Variants in FAM135B observed in about 807,000 individuals in gnomAD.
FAM135B encodes protein FAM135B.
A neutral mutation model predicts 127.7 loss-of-function variants in FAM135B; 43 were observed. The observed-to-expected ratio is 0.34, with a 90% CI of 0.26 to 0.43. The LOEUF is 0.43. Among genes scored for constraint, FAM135B ranks in the 20% least tolerant of loss-of-function variants. FAM135B has a pLI of 1.00. For synonymous variants in FAM135B, 670 were observed against 665.1 expected (o/e 1.01, Z -0.11); for missense variants, 1,558 against 1,725.6 (o/e 0.90, Z 1.72).
intron 12 of FAM135B, among the ~76,000 whole-genome samples, chr8:138,155,703 C>A (rs897912969): frequency 9.9e-5 from 15 of 152,192 alleles, no homozygotes; most frequent in Admixed American, 4.6e-4. Context: ...CAAAGAAAGC[C>A]ATTACATAAT....
intron 2 of FAM135B, among the ~76,000 whole-genome samples, chr8:138,314,725 T>TAAATAAATAAATAAATAAATAAGCA (rs766795967): frequency 6.2e-5 from 3 of 48,774 alleles, no homozygotes; most frequent in Non-Finnish European, 1.0e-4. Flanking sequence ...ATAAATAAAT[T>TAAATAAATAAATAAATAAATAAGCA]AGCTGGGTGT....
chr8:138,471,288 C>G (rs959491157), intron 1 of FAM135B, among the ~76,000 whole-genome samples: 1 of 152,074 alleles, frequency 6.6e-6, no homozygotes, highest in Non-Finnish European at 1.5e-5. Context: ...GTGAGAGGAG[C>G]AGGATCTCAT....
intron 1 of FAM135B, among the ~76,000 whole-genome samples, chr8:138,462,628 G>A (rs139910256): frequency 2.0e-4 from 30 of 152,262 alleles, no homozygotes; most frequent in East Asian, 9.7e-4. Flanking sequence ...GATTTAACCC[G>A]AGTAGCTCTT....
intron 1 of FAM135B, among the ~76,000 whole-genome samples, chr8:138,494,877 CCTCA>C (rs1387965943): frequency 6.6e-6 from 1 of 151,120 alleles, no homozygotes; most frequent in African/African-American, 2.5e-5. Context: ...TGTGAGCAGG[CCTCA>C]CTGTTTCAAA....
chr8:138,234,115 G>A (rs1820098629), intron 7 of FAM135B, among the ~76,000 whole-genome samples: 1 of 152,124 alleles, frequency 6.6e-6, no homozygotes, highest in Admixed American at 6.6e-5. Flanking sequence ...TGGTGTATAA[G>A]TAAGCAATAC....
intron 2 of FAM135B, among the ~76,000 whole-genome samples, chr8:138,357,892 A>G (rs1830189343): frequency 6.6e-6 from 1 of 152,154 alleles, no homozygotes; most frequent in African/African-American, 2.4e-5. Flanking sequence ...GATTTATCCT[A>G]TTGAAGCCGA....
At chr8:138,158,287 T>G in intron 12 of FAM135B, among the ~76,000 whole-genome samples, 1 of 152,182 alleles carries the variant, frequency 6.6e-6, no homozygotes, top group East Asian at 1.9e-4. Context: ...TTACACCTTA[T>G]ACAAAAATTA....
rs2130893252 is a variant in FAM135B, at chr8:138,310,874, G to A, written c.124C>T (p.His42Tyr). 6.2e-7 allele frequency: 1 copy of A among 1,613,896 alleles called. No individual in the cohort carries two copies. The highest frequency in any genetic ancestry group is 8.5e-7 in the Non-Finnish European group (1 of 1,179,966). ...VTLKVSSRIP[H>Y]RLSASIAGQT... ...CCAGCGATGGAGGCACTCAGTCTGTGGGGGATCCTTGAAGACACCTTCAAG... is the reference window on the plus strand; with the variant it reads ...CCAGCGATGGAGGCACTCAGTCTGTAGGGGATCCTTGAAGACACCTTCAAG... Residue 42 changes from histidine (H) to tyrosine (Y), a missense_variant, in exon 3 of 20, where the codon CAC (histidine) becomes TAC (tyrosine). This residue lies in a region of FAM135B where 199 missense variants were observed against 245.7 expected (regional missense o/e 0.81). Transcript: ENST00000395297.
intron 2 of FAM135B, among the ~76,000 whole-genome samples, chr8:138,343,305 A>G (rs1829181240): frequency 6.6e-6 from 1 of 152,212 alleles, no homozygotes; most frequent in Non-Finnish European, 1.5e-5. Flanking sequence ...AGGAAGACAC[A>G]TGCAGACACT....
chr8:138,251,546 T>A (rs1468343069), intron 5 of FAM135B, among the ~76,000 whole-genome samples: 1 of 152,188 alleles, frequency 6.6e-6, no homozygotes. Flanking sequence ...AATGAACAAC[T>A]GACTGACTGA....
chr8:138,299,395 C>A (rs3942248), intron 3 of FAM135B, among the ~76,000 whole-genome samples: 3 of 151,966 alleles, frequency 2.0e-5, no homozygotes, highest in Non-Finnish European at 4.4e-5. Context: ...ATGAACTCCC[C>A]CCTCCAAACA....
intron 12 of FAM135B, among the ~76,000 whole-genome samples, chr8:138,158,647 T>G (rs1819031039): frequency 6.6e-6 from 1 of 152,304 alleles, no homozygotes; most frequent in East Asian, 1.9e-4. Flanking sequence ...GAACAGACAC[T>G]TCTCAAAAGA....
chr8:138,457,933 C>T (rs867550064), intron 1 of FAM135B, among the ~76,000 whole-genome samples: 26 of 150,476 alleles, frequency 1.7e-4, no homozygotes, highest in Non-Finnish European at 2.7e-4. Context: ...ACTGAGATTC[C>T]GCCACTGCAC....
chr8:138,195,233 A>T (rs1343414425), intron 9 of FAM135B, 25 bp downstream of exon 9: 2 of 1,610,400 alleles, frequency 1.2e-6, no homozygotes, highest in Non-Finnish European at 1.7e-6. Flanking sequence ...ATTCATTCAG[A>T]CCCCAGCGCC....
intron 3 of FAM135B, among the ~76,000 whole-genome samples, chr8:138,307,033 A>G (rs1826314724): frequency 6.6e-6 from 1 of 152,056 alleles, no homozygotes; most frequent in South Asian, 2.1e-4. Flanking sequence ...TCTTACCTTC[A>G]CACTGAATGT....
chr8:138,219,592 T>C (rs1434084567), intron 7 of FAM135B, among the ~76,000 whole-genome samples: 1 of 152,214 alleles, frequency 6.6e-6, no homozygotes, highest in Non-Finnish European at 1.5e-5. Context: ...AGATACCAAA[T>C]GGACCAGGCC....
Position 138,151,524 on chromosome 8 carries a change from G to T in FAM135B, c.2951C>A (p.Thr984Asn), listed in dbSNP as rs780098991. The change falls in exon 13 of 20, where the codon ACT becomes AAT. Residue 984 changes from threonine to asparagine, a missense_variant. Coordinates refer to ENST00000395297, the MANE Select transcript of FAM135B (RefSeq NM_015912.4). ...GGAATGGGTCACAGTGGGGCACACA[G>T]TGCCTGCTTTATGTTTAGCCTCCGG... ...AFPEAKHKAG[T>N]VCPTVTHSVH... 40 of 1,614,112 alleles carry T rather than the reference G, an allele frequency of 2.5e-5. No homozygotes were observed. Among genetic ancestry groups the T allele is most frequent in the East Asian group, 2.0e-4 (9 of 44,884 alleles).
Position 138,138,966 on chromosome 8 carries a change from C to A in FAM135B, c.3901+20G>T, listed in dbSNP as rs2130562309. The stretch of plus-strand genomic sequence containing the variant: ...CCCAAGCTCAAACTCATAACTGCAG[C>A]TGTGGGGGAAACCACTGACCTGTTT... On this transcript the variant is annotated intron_variant, in intron 18 of 19. Coordinates refer to ENST00000395297, the MANE Select transcript of FAM135B (RefSeq NM_015912.4). The A allele has an allele frequency of 6.9e-7, 1 of 1,450,054 alleles. No homozygotes were observed. 89.8% of individuals were successfully genotyped at this position (1,450,054 alleles called of 1,614,324 possible).
chr8:138,384,005 TG>T (rs1450078339), intron 1 of FAM135B, among the ~76,000 whole-genome samples: 4 of 152,178 alleles, frequency 2.6e-5, no homozygotes, highest in Non-Finnish European at 1.5e-5. Flanking sequence ...TGTTCTCCCC[TG>T]TTTTGGAATG....
Sources: allele counts gnomAD v4.1 joint callset (sites outside exome capture counted in the v4.1 genomes callset), GRCh38; gene constraint gnomAD v4.1.1; regional missense constraint gnomAD v4.1.1; transcripts MANE v1.5; gene names NCBI Gene and HGNC (gene_info 2026-07-23, HGNC 2026-07-21).